CTNNBL1: variants seen among roughly 807,000 people sequenced by gnomAD.
CTNNBL1 encodes the protein catenin beta like 1.
A neutral mutation model predicts 72.7 loss-of-function variants in CTNNBL1; 31 were observed. The ratio of observed to expected loss-of-function variants is 0.43; its 90% CI spans 0.32 to 0.58. The LOEUF is 0.58. Among genes scored for constraint, CTNNBL1 ranks in the 20% least tolerant of loss-of-function variants. CTNNBL1 has a pLI of 0.08. For missense variants in CTNNBL1, 534 were observed against 725.1 expected, an observed-to-expected ratio of 0.74 and a Z score of 3.03; for synonymous variants, 240 against 267.3, an observed-to-expected ratio of 0.90 and a Z score of 1.00.
At chr20:37,821,045 C>T (rs1422617074) in intron 11 of CTNNBL1, among the ~76,000 whole-genome samples, 1 of 152,230 alleles carries the variant, frequency 6.6e-6, no homozygotes, top group Non-Finnish European at 1.5e-5. Context: ...CTAGCCTAAA[C>T]TAGGGAAGCC....
At chr20:37,751,704 C>T (rs1476341627) in intron 4 of CTNNBL1, 1 of 152,138 alleles carries the variant, frequency 6.6e-6, no homozygotes, top group African/African-American at 2.4e-5. Flanking sequence ...TGTTACAGAC[C>T]CAGTGCTAAT....
intron 11 of CTNNBL1, among the ~76,000 whole-genome samples, chr20:37,824,548 A>G (rs1248885224): frequency 2.6e-5 from 4 of 152,250 alleles, no homozygotes; most frequent in Non-Finnish European, 5.9e-5. Flanking sequence ...AGGAATTGCA[A>G]TTGATTGTTA....
chr20:37,849,078 C>T (rs6512731), intron 13 of CTNNBL1, among the ~76,000 whole-genome samples: 1 of 152,018 alleles, frequency 6.6e-6, no homozygotes. Context: ...TAATCTGGTC[C>T]GCTTTACCTC....
chr20:37,816,233 G>A (rs2072057533), intron 11 of CTNNBL1, among the ~76,000 whole-genome samples: 4 of 152,312 alleles, frequency 2.6e-5, no homozygotes, highest in African/African-American at 9.6e-5. Flanking sequence ...TCTTTTAGGA[G>A]CAGTCTATTA....
intron 1 of CTNNBL1, among the ~76,000 whole-genome samples, chr20:37,706,357 T>G (rs2072884667): frequency 6.6e-6 from 1 of 152,224 alleles, no homozygotes; most frequent in Non-Finnish European, 1.5e-5. Context: ...AGAATTAGAG[T>G]CAGTTCTCTT....
Position 37,859,962 on chromosome 20 carries a change from C to G in CTNNBL1, c.1456C>G (p.Leu486Val), listed in dbSNP as rs1319527724. ...CGAGGAGGAGTTCTACCTCCGGCGC[C>G]TGGATGCGGGGCTCTTTGTTCTCCA... ...DTEEEFYLRRLDAGLFVLQHI... is the reference protein window; with the variant it reads ...DTEEEFYLRRVDAGLFVLQHI... The change falls in exon 14 of 16, where the codon CTG becomes GTG. Residue 486 changes from leucine to valine, a missense_variant. Physicochemically the swap from Leu to Val is conservative, Grantham distance 32. Transcript: ENST00000361383. 18 of 1,614,102 alleles carry G rather than the reference C, an allele frequency of 1.1e-5. No homozygotes were observed. The highest frequency in any genetic ancestry group is 1.5e-5 in the Non-Finnish European group (18 of 1,180,052).
At chr20:37,781,140 C>T (rs1375692111) in intron 10 of CTNNBL1, among the ~76,000 whole-genome samples, 1 of 152,126 alleles carries the variant, frequency 6.6e-6, no homozygotes, top group East Asian at 1.9e-4. Flanking sequence ...GCTTTACTCT[C>T]TTGAGTCTTT....
chr20:37,859,891 G>C lies in CTNNBL1; in HGVS notation c.1393-8G>C. 1 of 1,613,680 alleles carries C rather than the reference G, an allele frequency of 6.2e-7. No individual in the cohort carries two copies. Among genetic ancestry groups the C allele is most frequent in the East Asian group, 2.2e-5 (1 of 44,864 alleles). On this transcript the variant is annotated splice_polypyrimidine_tract_variant and splice_region_variant and intron_variant, in intron 13 of 15. Coordinates refer to ENST00000361383, the MANE Select transcript of CTNNBL1 (RefSeq NM_030877.5). ...AGCTTTTATTCCTAAACGTTCATTTGTTTCTAGGACATGGTCCGGCGAGGA... is the reference window on the plus strand; with the variant it reads ...AGCTTTTATTCCTAAACGTTCATTTCTTTCTAGGACATGGTCCGGCGAGGA...
intron 13 of CTNNBL1, among the ~76,000 whole-genome samples, chr20:37,855,223 T>C (rs2072429694): frequency 6.6e-6 from 1 of 151,790 alleles, no homozygotes; most frequent in Non-Finnish European, 1.5e-5. Flanking sequence ...CATGCTCTTA[T>C]CTCCTCTGCT....
intron 15 of CTNNBL1, among the ~76,000 whole-genome samples, chr20:37,867,821 A>C (rs1307518329): frequency 6.6e-6 from 1 of 152,226 alleles, no homozygotes; most frequent in African/African-American, 2.4e-5. Context: ...GGTAGCTGGC[A>C]CCACCAAGAT....
chr20:37,807,161 AG>A (rs1429827883), intron 11 of CTNNBL1, among the ~76,000 whole-genome samples: 1 of 152,180 alleles, frequency 6.6e-6, no homozygotes, highest in East Asian at 1.9e-4. Context: ...ATTTTGGGCA[AG>A]TTCCTAAGCT....
intron 11 of CTNNBL1, among the ~76,000 whole-genome samples, chr20:37,819,582 TTA>T (rs567985539): frequency 5.0e-4 from 76 of 152,226 alleles, no homozygotes; most frequent in Non-Finnish European, 8.8e-4. Flanking sequence ...TGTCATGTTT[TTA>T]TATGTTTCTC....
chr20:37,834,125 T>G (rs2122798545), intron 11 of CTNNBL1, among the ~76,000 whole-genome samples: 1 of 152,314 alleles, frequency 6.6e-6, no homozygotes, highest in African/African-American at 2.4e-5. Flanking sequence ...TGGAAATGCA[T>G]GCCAGTGTCA....
intron 10 of CTNNBL1, among the ~76,000 whole-genome samples, chr20:37,789,614 TC>T (rs1375603912): frequency 6.6e-6 from 1 of 152,184 alleles, no homozygotes; most frequent in Non-Finnish European, 1.5e-5. Flanking sequence ...GTTTGCCACT[TC>T]CGTTTCTTTG....
chr20:37,814,229 G>T lies in CTNNBL1; in HGVS notation c.1213+11181G>T, dbSNP rs529524179. Among the ~76,000 whole-genome samples the T allele has an allele frequency of 3.9e-5, 6 of 152,264 alleles. No individual in the cohort carries two copies. The South Asian group carries it at 1.0e-3, about 26-fold the overall frequency. ...TGGTTTTTTTAGATCATAAATTAAG[G>T]TTGCTAACCTGTAGTGGGACTAATT... is the stretch of plus-strand genomic sequence containing the variant. On this transcript the variant is annotated intron_variant, in intron 11 of 15. Coordinates refer to ENST00000361383, the MANE Select transcript of CTNNBL1 (RefSeq NM_030877.5).
At chr20:37,740,603 A>G (rs1419506402) in intron 3 of CTNNBL1, among the ~76,000 whole-genome samples, 2 of 152,134 alleles carry the variant, frequency 1.3e-5, no homozygotes, top group African/African-American at 4.8e-5. Context: ...TAGTTTACTG[A>G]TTTTCAACCT....
intron 11 of CTNNBL1, among the ~76,000 whole-genome samples, chr20:37,813,659 TGTTATTGTGTCA>T (rs1382631813): frequency 1.3e-5 from 2 of 152,236 alleles, no homozygotes; most frequent in African/African-American, 4.8e-5. Flanking sequence ...ATTGATGCTC[TGTTATTGTGTCA>T]GTAGGACTCT....
chr20:37,816,963 G>C (rs2122763335), intron 11 of CTNNBL1, among the ~76,000 whole-genome samples: 1 of 152,296 alleles, frequency 6.6e-6, no homozygotes, highest in Middle Eastern at 3.4e-3. Context: ...TGTAGATATT[G>C]ATGATGGCGA....
rs529904633 is a variant in CTNNBL1 at position 37,803,517 on chromosome 20, C to T, written c.1213+469C>T. ...TATGTTTCTCCTCCCTGATGGTGCA[C>T]GCTCCCAGCAAAATGCTGCCATGAA... On this transcript the variant is annotated intron_variant, in intron 11 of 15. Transcript: ENST00000361383. Among the ~76,000 whole-genome samples the T allele has an allele frequency of 2.6e-5, 4 of 152,284 alleles. No individual in the cohort carries two copies. In the South Asian group the frequency reaches 6.2e-4, roughly 24 times the overall value.
Sources: gnomAD v4.1 joint callset for allele counts (sites outside exome capture counted in the v4.1 genomes callset) on GRCh38, gnomAD v4.1.1 for gene constraint, MANE v1.5 for transcripts, NCBI Gene and HGNC (gene_info 2026-07-23, HGNC 2026-07-21) for gene names.